The following HS3ST4 variants were observed in gnomAD, a reference collection of about 807,000 sequenced individuals.
The protein encoded by HS3ST4 is heparan sulfate glucosamine 3-O-sulfotransferase 4.
HS3ST4 carries 17 observed loss-of-function variants against 29.2 expected under a neutral mutation model. The observed-to-expected ratio is 0.58, with a 90% CI of 0.40 to 0.87. The LOEUF (loss-of-function observed/expected upper bound fraction) is 0.87, where lower values mean the gene tolerates loss of function less well. Ranked by LOEUF, HS3ST4 falls within the 40% of genes least tolerant of loss-of-function variation. The pLI is 0.00. For missense variants in HS3ST4, 627 were observed against 634.5 expected (o/e 0.99, Z 0.13); for synonymous variants, 314 against 285.7 (o/e 1.10, Z -1.00).
chr16:25,958,349 T>C (rs1968757536), intron 1 of HS3ST4, among the ~76,000 whole-genome samples: 1 of 152,138 alleles, frequency 6.6e-6, no homozygotes. Flanking sequence ...TTTTTTTCCT[T>C]GAGAAGGAGT....
chr16:26,096,581 T>A (rs545307906), intron 1 of HS3ST4, among the ~76,000 whole-genome samples: 24 of 152,298 alleles, frequency 1.6e-4, no homozygotes, highest in African/African-American at 5.8e-4. Flanking sequence ...AACTAGATAT[T>A]GATAGAACGT....
intron 1 of HS3ST4, among the ~76,000 whole-genome samples, chr16:25,712,945 C>T (rs1001467204): frequency 6.6e-6 from 1 of 152,180 alleles, no homozygotes; most frequent in Non-Finnish European, 1.5e-5. Context: ...TCTATTCTCC[C>T]TGTGTCTTCA....
intron 1 of HS3ST4, among the ~76,000 whole-genome samples, chr16:25,948,899 C>G (rs906574309): frequency 2.6e-5 from 4 of 152,144 alleles, no homozygotes; most frequent in African/African-American, 4.8e-5. Context: ...CAAAGCAAGA[C>G]TTAATATCTT....
intron 1 of HS3ST4, among the ~76,000 whole-genome samples, chr16:26,108,182 G>A (rs1429876712): frequency 6.6e-6 from 1 of 152,074 alleles, no homozygotes; most frequent in East Asian, 1.9e-4. Context: ...GTTTTAATTT[G>A]CATTTCCCTA....
intron 1 of HS3ST4, among the ~76,000 whole-genome samples, chr16:25,951,179 A>T (rs1968680820): frequency 6.6e-6 from 1 of 152,208 alleles, no homozygotes; most frequent in African/African-American, 2.4e-5. Flanking sequence ...TCAGAGGCTG[A>T]AGTCAGCAGC....
chr16:26,090,556 G>A (rs946116246), intron 1 of HS3ST4, among the ~76,000 whole-genome samples: 3 of 151,694 alleles, frequency 2.0e-5, no homozygotes, highest in Non-Finnish European at 2.9e-5. Context: ...GACCCAAAGA[G>A]CAGAGCCCAT....
At chr16:26,101,006 G>A (rs1346339657) in intron 1 of HS3ST4, among the ~76,000 whole-genome samples, 1 of 152,142 alleles carries the variant, frequency 6.6e-6, no homozygotes, top group Non-Finnish European at 1.5e-5. Flanking sequence ...ATTACCATCT[G>A]CCCCGTTACT....
intron 1 of HS3ST4, among the ~76,000 whole-genome samples, chr16:26,000,542 T>C (rs905726380): frequency 3.3e-5 from 5 of 152,146 alleles, no homozygotes; most frequent in African/African-American, 7.2e-5. Flanking sequence ...ATGATATCCG[T>C]GGAACCAGAG....
At chr16:25,711,860 C>T (rs1596550287) in intron 1 of HS3ST4, among the ~76,000 whole-genome samples, 1 of 152,182 alleles carries the variant, frequency 6.6e-6, no homozygotes, top group Non-Finnish European at 1.5e-5. Flanking sequence ...AACTCCTGGC[C>T]TCAAGTGACC....
intron 1 of HS3ST4, among the ~76,000 whole-genome samples, chr16:25,959,351 GT>G (rs1439629377): frequency 6.6e-6 from 1 of 152,226 alleles, no homozygotes; most frequent in Non-Finnish European, 1.5e-5. Flanking sequence ...AGGATGCAAT[GT>G]CAGTATCCAG....
At chr16:25,855,059 G>A (rs994753816) in intron 1 of HS3ST4, among the ~76,000 whole-genome samples, 1 of 152,154 alleles carries the variant, frequency 6.6e-6, no homozygotes, top group Non-Finnish European at 1.5e-5. Context: ...GTCTGGGAAG[G>A]TGGGATCTCT....
chr16:26,130,068 C>T (rs961169201), intron 1 of HS3ST4, among the ~76,000 whole-genome samples: 3 of 152,180 alleles, frequency 2.0e-5, no homozygotes, highest in Admixed American at 6.5e-5. Context: ...CTTAGCAAAG[C>T]ACCAGGACCA....
intron 1 of HS3ST4, among the ~76,000 whole-genome samples, chr16:26,122,318 A>G (rs771516919): frequency 1.2e-4 from 18 of 152,208 alleles, no homozygotes; most frequent in African/African-American, 1.7e-4. Context: ...CATAGTTACT[A>G]TCTGTCCATA....
chr16:25,960,294 G>A (rs1968782249), intron 1 of HS3ST4, among the ~76,000 whole-genome samples: 1 of 152,182 alleles, frequency 6.6e-6, no homozygotes, highest in Non-Finnish European at 1.5e-5. Context: ...ACAGTCTGCA[G>A]AACTGTGAGC....
At chr16:25,810,392 A>G (rs1476815626) in intron 1 of HS3ST4, among the ~76,000 whole-genome samples, 1 of 152,166 alleles carries the variant, frequency 6.6e-6, no homozygotes, top group Non-Finnish European at 1.5e-5. Flanking sequence ...GCCCTTTTGT[A>G]ATGAATATCC....
intron 1 of HS3ST4, among the ~76,000 whole-genome samples, chr16:25,997,627 A>G (rs1328676731): frequency 6.6e-6 from 1 of 152,150 alleles, no homozygotes; most frequent in South Asian, 2.1e-4. Flanking sequence ...CAACTCAGCA[A>G]CCTCAGCAGA....
At chr16:25,838,831 T>G (rs1400402548) in intron 1 of HS3ST4, among the ~76,000 whole-genome samples, 1 of 152,172 alleles carries the variant, frequency 6.6e-6, no homozygotes, top group African/African-American at 2.4e-5. Context: ...TTTGGGTCAC[T>G]TTTTTCACTA....
chr16:26,001,125 G>T (rs1385281610), intron 1 of HS3ST4, among the ~76,000 whole-genome samples: 1 of 152,028 alleles, frequency 6.6e-6, no homozygotes, highest in Admixed American at 6.6e-5. Flanking sequence ...ACAAATTTAT[G>T]TCATATTTTA....
Position 26,046,115 on chromosome 16 carries a change from T to C in HS3ST4, c.735-89497T>C, listed in dbSNP as rs1460635032. On this transcript the variant is annotated intron_variant, in intron 1 of 1. Coordinates refer to ENST00000331351, the MANE Select transcript of HS3ST4 (RefSeq NM_006040.3). ...TTTCTTGCTGCACAAGTTTTGGCTG[T>C]GCTTATATTTCCTCATGTAAGGACA... 5.3e-5 allele frequency among the ~76,000 whole-genome samples: 8 copies of C among 152,044 alleles called. 1 individual carries two copies. The East Asian group carries it at 1.4e-3, about 26-fold the overall frequency.
Sources: allele counts gnomAD v4.1 joint callset (sites outside exome capture counted in the v4.1 genomes callset), GRCh38; gene constraint gnomAD v4.1.1; transcripts MANE v1.5; gene names NCBI Gene and HGNC (gene_info 2026-07-23, HGNC 2026-07-21).